KCNIP4: variants seen among roughly 807,000 people sequenced by gnomAD.
KCNIP4 encodes potassium voltage-gated channel interacting protein 4, also known as Kv channel-interacting protein 4.
In KCNIP4, 12 loss-of-function variants were observed where a neutral mutation model predicts 34.0. The observed-to-expected ratio is 0.35, with a 90% confidence interval of 0.23 to 0.57. The LOEUF is 0.57. Ranked by LOEUF, KCNIP4 falls within the 20% of genes least tolerant of loss-of-function variation. The probability of loss-of-function intolerance (pLI) is 0.83; values close to 1 mark genes in which losing one functional copy is unlikely to be tolerated. For synonymous variants in KCNIP4, 124 were observed against 102.2 expected, an observed-to-expected ratio of 1.21 and a Z score of -1.29; for missense variants, 238 against 311.7, an observed-to-expected ratio of 0.76 and a Z score of 1.78.
At chr4:21,030,525 A>G (rs1419976981) in intron 1 of KCNIP4, among the ~76,000 whole-genome samples, 3 of 152,186 alleles carry the variant, frequency 2.0e-5, no homozygotes, top group Non-Finnish European at 2.9e-5. Context: ...TGCCTTCATG[A>G]AATTGGTCTC....
intron 3 of KCNIP4, among the ~76,000 whole-genome samples, chr4:20,761,379 A>C (rs1468928066): frequency 6.6e-6 from 1 of 152,206 alleles, no homozygotes; most frequent in Non-Finnish European, 1.5e-5. Flanking sequence ...ACAACTCCAA[A>C]GGTGGTATGT....
chr4:21,391,942 G>A (rs942237623), intron 1 of KCNIP4, among the ~76,000 whole-genome samples: 21 of 152,198 alleles, frequency 1.4e-4, no homozygotes, highest in African/African-American at 4.8e-4. Context: ...TCTAGCCAGA[G>A]TCTGTTTCCA....
intron 1 of KCNIP4, among the ~76,000 whole-genome samples, chr4:21,522,377 A>C (rs548859689): frequency 6.6e-6 from 1 of 152,084 alleles, no homozygotes; most frequent in East Asian, 1.9e-4. Flanking sequence ...CTGCAGCCTC[A>C]ACTTTTTTTT....
At chr4:21,085,657 T>A (rs542080557) in intron 1 of KCNIP4, among the ~76,000 whole-genome samples, 6 of 152,154 alleles carry the variant, frequency 3.9e-5, no homozygotes, top group Non-Finnish European at 7.3e-5. Flanking sequence ...TAAAGGCAGA[T>A]CCTGAGACAA....
At chr4:21,369,226 T>C (rs1211812688) in intron 1 of KCNIP4, among the ~76,000 whole-genome samples, 2 of 147,318 alleles carry the variant, frequency 1.4e-5, no homozygotes, top group Non-Finnish European at 2.9e-5. Flanking sequence ...TGGTACAAAA[T>C]TAACACTAAA....
chr4:21,869,193 T>C (rs1310185691), intron 1 of KCNIP4, among the ~76,000 whole-genome samples: 2 of 152,082 alleles, frequency 1.3e-5, no homozygotes, highest in African/African-American at 2.4e-5. Context: ...GATTTTCTTA[T>C]CATTTCTACC....
At chr4:21,087,474 CA>C (rs1220029258) in intron 1 of KCNIP4, among the ~76,000 whole-genome samples, 1 of 151,964 alleles carries the variant, frequency 6.6e-6, no homozygotes, top group Non-Finnish European at 1.5e-5. Flanking sequence ...TTTTAGTAGA[CA>C]TGGGGTTTCA....
chr4:20,740,007 A>C (rs1391582712), intron 5 of KCNIP4, among the ~76,000 whole-genome samples: 1 of 152,216 alleles, frequency 6.6e-6, no homozygotes, highest in Non-Finnish European at 1.5e-5. Context: ...ATTGAAGATC[A>C]AGTGAATGAA....
intron 1 of KCNIP4, among the ~76,000 whole-genome samples, chr4:20,885,303 A>G (rs1725171302): frequency 6.7e-6 from 1 of 148,588 alleles, no homozygotes; most frequent in Non-Finnish European, 1.5e-5. Flanking sequence ...AACTTCCCCA[A>G]TTACTCCTGC....
chr4:21,138,838 A>G (rs1751713865), intron 1 of KCNIP4, among the ~76,000 whole-genome samples: 1 of 152,172 alleles, frequency 6.6e-6, no homozygotes, highest in Non-Finnish European at 1.5e-5. Flanking sequence ...GAAAGGAGTC[A>G]TGAGGCAGGA....
At chr4:21,119,201 T>C (rs1240831251) in intron 1 of KCNIP4, among the ~76,000 whole-genome samples, 3 of 152,030 alleles carry the variant, frequency 2.0e-5, no homozygotes, top group African/African-American at 7.2e-5. Flanking sequence ...GTGGAAGAGG[T>C]AGCATTTTGA....
In KCNIP4 at chr4:21,608,648, T is replaced by G. The variant is rs539955050; in HGVS notation, c.61+339923A>C. 1.1e-4 allele frequency among the ~76,000 whole-genome samples: 17 copies of G among 152,326 alleles called. No homozygotes were observed. The East Asian group carries it at 3.3e-3, about 29-fold the overall frequency. ...TTTATCACATCTGCCAGGTCTTTTT[T>G]TGCCATGTAATATAACATAAAATAG... On this transcript the variant is annotated intron_variant, in intron 1 of 8. Transcript: ENST00000382152.
chr4:21,549,480 C>T (rs1324760560), intron 1 of KCNIP4, among the ~76,000 whole-genome samples: 1 of 151,896 alleles, frequency 6.6e-6, no homozygotes, highest in Admixed American at 6.6e-5. Context: ...CTCTTGCTCC[C>T]TCTCTCATCA....
intron 1 of KCNIP4, among the ~76,000 whole-genome samples, chr4:21,147,315 G>T (rs1752432985): frequency 6.6e-6 from 1 of 152,110 alleles, no homozygotes; most frequent in Non-Finnish European, 1.5e-5. Flanking sequence ...GGCCCAGTTT[G>T]CACTGCTGTT....
chr4:21,174,219 C>T (rs551196755), intron 1 of KCNIP4, among the ~76,000 whole-genome samples: 17 of 152,184 alleles, frequency 1.1e-4, no homozygotes, highest in South Asian at 2.1e-4. Context: ...CTCAGTTTTC[C>T]GGAAAAGGTG....
chr4:21,534,744 T>C (rs1447711672), intron 1 of KCNIP4, among the ~76,000 whole-genome samples: 1 of 152,058 alleles, frequency 6.6e-6, no homozygotes, highest in Non-Finnish European at 1.5e-5. Context: ...CCCTGGCAGA[T>C]CACAGCCCAG....
At chr4:20,956,036 C>A (rs187918421) in intron 1 of KCNIP4, among the ~76,000 whole-genome samples, 171 of 152,298 alleles carry the variant, frequency 1.1e-3, no homozygotes, top group Non-Finnish European at 9.3e-4. Flanking sequence ...GACCTTCTAA[C>A]GCCTATCACT....
intron 1 of KCNIP4, among the ~76,000 whole-genome samples, chr4:21,651,996 A>C (rs1448111224): frequency 6.6e-6 from 1 of 152,184 alleles, no homozygotes; most frequent in Non-Finnish European, 1.5e-5. Flanking sequence ...AGTCCTCTTA[A>C]TATTACTGGA....
intron 1 of KCNIP4, among the ~76,000 whole-genome samples, chr4:21,300,569 C>G (rs1478087435): frequency 9.1e-6 from 1 of 110,408 alleles, no homozygotes; most frequent in Non-Finnish European, 1.8e-5. Context: ...GATGTGCTTA[C>G]TTGTTATTGA....
Sources: gnomAD v4.1 joint callset for allele counts (sites outside exome capture counted in the v4.1 genomes callset) on GRCh38, gnomAD v4.1.1 for gene constraint, MANE v1.5 for transcripts, NCBI Gene and HGNC (gene_info 2026-07-23, HGNC 2026-07-21) for gene names.